The following ATP8B3 variants were observed in gnomAD, a reference collection of about 807,000 sequenced individuals.
ATP8B3 encodes the protein ATPase phospholipid transporting 8B3.
Under a neutral mutation model 140.9 loss-of-function variants are expected in ATP8B3, and 141 were observed. The observed-to-expected ratio is 1.00, with a 90% CI of 0.87 to 1.15. The LOEUF is 1.15. Ranked by LOEUF, ATP8B3 falls within the 50% of genes most tolerant of loss-of-function variation. The pLI, the probability that ATP8B3 is intolerant of heterozygous loss-of-function variation, is 0.00. For missense variants in ATP8B3, 1,874 were observed against 1,740.6 expected, an observed-to-expected ratio of 1.08 and a Z score of -1.36; for synonymous variants, 765 against 714.6, an observed-to-expected ratio of 1.07 and a Z score of -1.13.
Position 1,811,461 on chromosome 19 carries a change from TCCGGCCACCCGATGCAC to T in ATP8B3, c.248+11_248+27del. 1.9e-6 allele frequency: 3 copies of T among 1,600,944 alleles called. No homozygotes were observed. Among genetic ancestry groups the T allele is most frequent in the Non-Finnish European group, 2.6e-6 (3 of 1,173,982 alleles). On this transcript the variant is annotated intron_variant, in intron 2 of 28. Coordinates refer to ENST00000310127, the MANE Select transcript of ATP8B3 (RefSeq NM_138813.4). ...CCCCGCCAAGCCCCTGCCCCTGTGT[TCCGGCCACCCGATGCAC>T]CCGTCCTCACCCTTCTGGTCTCCAT...
chr19:1,806,250 CG>C lies in ATP8B3; in HGVS notation c.678-82del, dbSNP rs530899961. On this transcript the variant is annotated intron_variant, in intron 7 of 28. Coordinates refer to ENST00000310127, the MANE Select transcript of ATP8B3 (RefSeq NM_138813.4). This position sits in a 1 kb window ranked among gnomAD's most constrained non-coding sequence, Gnocchi z 5.6. ...CCGGGAGACCAGAGGCACGGGATGA[CG>C]GGGGGCCCGCAGCTGCAGTCCCCAC... 11 of 1,533,156 alleles carry C rather than the reference CG, an allele frequency of 7.2e-6. No homozygotes were observed. The Admixed American group carries it at 9.9e-5, about 14-fold the overall frequency. The allele number at this position is 1,533,156 out of a possible 1,614,324, so 95.0% of individuals were successfully genotyped here. A position where few individuals can be genotyped will look rare whatever the true frequency, so the allele number is the denominator to read the frequency against.
Position 1,783,131 on chromosome 19 carries a change from C to A in ATP8B3, c.3800G>T (p.Gly1267Val). 1.2e-6 allele frequency: 2 copies of A among 1,613,498 alleles called. No individual in the cohort carries two copies. The highest frequency in any genetic ancestry group is 8.5e-7 in the Non-Finnish European group (1 of 1,179,814). The change falls in exon 29 of 29, where the codon GGC becomes GTC. Residue 1267 changes from glycine to valine, a missense_variant. Physicochemically the swap from Gly to Val is moderately radical, Grantham distance 109. Transcript: ENST00000310127. ...REGYANLITQ[G>V]TILRRGPGVS... ...CCCTGGTCCCCTCCGCAGAATTGTGCCCTGAGTGATGAGGTTTGCATATCC... is the reference window on the plus strand; with the variant it reads ...CCCTGGTCCCCTCCGCAGAATTGTGACCTGAGTGATGAGGTTTGCATATCC...
At chr19:1,787,859 T>C (rs568935550) in intron 24 of ATP8B3, among the ~76,000 whole-genome samples, 2 of 149,846 alleles carry the variant, frequency 1.3e-5, no homozygotes, top group East Asian at 2.0e-4. Context: ...CTGGCCAACA[T>C]GGCAAAACCC....
In ATP8B3 at chr19:1,800,989, C is replaced by T. The variant is rs916124686; in HGVS notation, c.1153-540G>A. 1.9e-4 allele frequency among the ~76,000 whole-genome samples: 28 copies of T among 151,270 alleles called. No homozygotes were observed. The highest frequency in any genetic ancestry group is 3.9e-4 in the East Asian group (2 of 5,122). ...GACTACAGGCGCCCGCCACCACGCCCGGCTAATTTTTTGTATTTTTAGTAG... is the reference window on the plus strand; with the variant it reads ...GACTACAGGCGCCCGCCACCACGCCTGGCTAATTTTTTGTATTTTTAGTAG... On this transcript the variant is annotated intron_variant, in intron 12 of 28. Transcript: ENST00000310127. This position sits in a 1 kb window ranked among gnomAD's most constrained non-coding sequence, Gnocchi z 4.4.
intron 10 of ATP8B3, among the ~76,000 whole-genome samples, chr19:1,804,472 G>A (rs2068948742): frequency 6.6e-6 from 1 of 152,186 alleles, no homozygotes; most frequent in South Asian, 2.1e-4. Flanking sequence ...AGCCAGCCTG[G>A]TGGCGGGCGC....
At chr19:1,789,146 C>T (rs1258592712) in intron 23 of ATP8B3, 26 bp from the exon 24 acceptor site, 25 of 1,433,202 alleles carry the variant, frequency 1.7e-5, no homozygotes, top group Non-Finnish European at 2.1e-5. Flanking sequence ...AGCTGGTCAG[C>T]CCCCCGCACG....
Position 1,807,117 on chromosome 19 carries a change from C to G in ATP8B3, c.615+51G>C. 2 of 1,523,784 alleles carry G rather than the reference C, an allele frequency of 1.3e-6. No individual in the cohort carries two copies. The highest frequency in any genetic ancestry group is 1.8e-6 in the Non-Finnish European group (2 of 1,101,072). The allele number at this position is 1,523,784 out of a possible 1,614,324, so 94.4% of individuals were successfully genotyped here. On this transcript the variant is annotated intron_variant, in intron 6 of 28. Coordinates refer to ENST00000310127, the MANE Select transcript of ATP8B3 (RefSeq NM_138813.4). This position sits in a 1 kb window ranked among gnomAD's most constrained non-coding sequence, Gnocchi z 5.9. ...TCTCGCCCAGGGATCAAGAGACCCCCCCGACCGGCCCCGCTCCCTCCCCCA... is the reference window on the plus strand; with the variant it reads ...TCTCGCCCAGGGATCAAGAGACCCCGCCGACCGGCCCCGCTCCCTCCCCCA...
chr19:1,784,101 G>A (rs1319183597), intron 28 of ATP8B3, among the ~76,000 whole-genome samples: 3 of 152,098 alleles, frequency 2.0e-5, no homozygotes, highest in Admixed American at 2.0e-4. Flanking sequence ...GGAGCGTGCC[G>A]TGTTGACCCA....
In ATP8B3 at chr19:1,805,147, T is replaced by C. The variant is rs2068970838; in HGVS notation, c.904+227A>G. ...TGTGCCACCACGCCCAGCTACTTGTTTTATTTTTGTAGAGATGGGGTCTCG... is the reference window on the plus strand; with the variant it reads ...TGTGCCACCACGCCCAGCTACTTGTCTTATTTTTGTAGAGATGGGGTCTCG... On this transcript the variant is annotated intron_variant, in intron 10 of 28. Coordinates refer to ENST00000310127, the MANE Select transcript of ATP8B3 (RefSeq NM_138813.4). The surrounding 1 kb of genome is among the most constrained non-coding windows in gnomAD (Gnocchi z 5.2). 1 of 513,754 alleles carries C rather than the reference T, an allele frequency of 1.9e-6. No homozygotes were observed. Among genetic ancestry groups the C allele is most frequent in the Non-Finnish European group, 3.6e-6 (1 of 278,676 alleles). The allele number at this position is 513,754 out of a possible 1,614,324, so 31.8% of individuals were successfully genotyped here.
At position 1,785,700 on chromosome 19, in the gene ATP8B3, G is replaced by A. The variant is rs372576282; in HGVS notation, c.3162C>T (p.Ser1054=). ...CCGGCTTCTCCAGGCTCTGCTCTGC[G>A]CTCACGTCCTTGGGGCAAGCAGAAG... ...LYIGLFEQDV[S]AEQSLEKPEL... is the part of the protein sequence containing the mutation. Residue 1054 remains serine (S), a synonymous_variant, in exon 26 of 29, where the codon AGC becomes AGT. Transcript: ENST00000310127. 2.3e-5 allele frequency: 35 copies of A among 1,538,434 alleles called. 1 individual carries two copies. The highest frequency in any genetic ancestry group is 1.9e-4 in the African/African-American group (14 of 73,096).
At chr19:1,789,141 G>C (rs2068401525) in intron 23 of ATP8B3, 21 bp from the exon 24 acceptor site, 1 of 1,542,990 alleles carries the variant, frequency 6.5e-7, no homozygotes, top group Non-Finnish European at 8.7e-7. Flanking sequence ...CAAGCAGCTG[G>C]TCAGCCCCCC....
At chr19:1,797,045 C>A (rs1343978537) in intron 14 of ATP8B3, 40 bp from the exon 15 acceptor site, 1 of 1,612,438 alleles carries the variant, frequency 6.2e-7, no homozygotes, top group Non-Finnish European at 8.5e-7. Flanking sequence ...CTCCCACAGG[C>A]CCCCCATTCG....
chr19:1,795,841 A>T (rs765991024), intron 18 of ATP8B3, 34 bp downstream of exon 18: 1 of 1,299,572 alleles, frequency 7.7e-7, no homozygotes, highest in Non-Finnish European at 1.1e-6. Context: ...ACACACACAC[A>T]CACACATAAG....
At chr19:1,792,211 C>T (rs117609099) in intron 18 of ATP8B3, 76 bp from the exon 19 acceptor site, 67,939 of 1,448,706 alleles carry the variant, frequency 0.047, 1,823 homozygotes, top group East Asian at 0.1. Flanking sequence ...AACCCCCTGC[C>T]GGGCTCCGGA....
chr19:1,791,691 G>C, intron 20 of ATP8B3, 59 bp downstream of exon 20: 3 of 1,316,872 alleles, frequency 2.3e-6, no homozygotes, highest in Non-Finnish European at 3.2e-6. Context: ...TCAAACTTCA[G>C]GGAAGTTTGA....
chr19:1,793,861 G>T (rs1215893811), intron 18 of ATP8B3, among the ~76,000 whole-genome samples: 2 of 152,010 alleles, frequency 1.3e-5, no homozygotes, highest in African/African-American at 4.8e-5. Flanking sequence ...TCCTGCCTCA[G>T]CCTCCCGAGT....
At position 1,801,940 on chromosome 19, in the gene ATP8B3, C is replaced by T. The variant is rs1266062689; in HGVS notation, c.1152+16G>A. 1 of 1,603,794 alleles carries T rather than the reference C, an allele frequency of 6.2e-7. No homozygotes were observed. Among genetic ancestry groups the T allele is most frequent in the Non-Finnish European group, 8.5e-7 (1 of 1,171,922 alleles). ...CCTCTGTGTTCCTGGGGCAGGGGCA[C>T]TTGTTGGCAGCTCACCACAACCACC... is the stretch of plus-strand genomic sequence containing the variant. On this transcript the variant is annotated intron_variant, in intron 12 of 28. Coordinates refer to ENST00000310127, the MANE Select transcript of ATP8B3 (RefSeq NM_138813.4).
chr19:1,790,801 C>G lies in ATP8B3; in HGVS notation c.2334G>C (p.Glu778Asp), dbSNP rs1419217489. The G allele has an allele frequency of 6.2e-7, 1 of 1,606,048 alleles. No homozygotes were observed. Among genetic ancestry groups the G allele is most frequent in the Non-Finnish European group, 8.5e-7 (1 of 1,177,346 alleles). The change falls in exon 21 of 29, where the codon GAG (glutamate) becomes GAC (aspartate). Residue 778 changes from glutamate to aspartate, a missense_variant. By Grantham distance (45) the Glu-to-Asp change is conservative. This residue lies in a region of ATP8B3 where 840 missense variants were observed against 760.9 expected (regional missense o/e 1.10). Transcript: ENST00000310127. ...GAATGAGCATATTCTCTGACAGCAGCTCGCAGGCGAAGCCGATGTTCACAG... is the reference window on the plus strand; with the variant it reads ...GAATGAGCATATTCTCTGACAGCAGGTCGCAGGCGAAGCCGATGTTCACAG... Reference protein sequence around the residue: ...ETAVNIGFACELLSENMLILE... With the variant: ...ETAVNIGFACDLLSENMLILE...
rs749483088 is a variant in ATP8B3 at position 1,806,184 on chromosome 19, G to T, written c.678-15C>A. 31 of 1,576,314 alleles carry T rather than the reference G, an allele frequency of 2.0e-5. No individual in the cohort carries two copies. Among genetic ancestry groups the T allele is most frequent in the Non-Finnish European group, 2.4e-5 (28 of 1,161,946 alleles). On this transcript the variant is annotated splice_polypyrimidine_tract_variant and intron_variant, in intron 7 of 28. Transcript: ENST00000310127. This position sits in a 1 kb window ranked among gnomAD's most constrained non-coding sequence, Gnocchi z 5.6. Reference sequence around the variant, plus strand: ...TCTGCTTGAAGCTGCGGGGAGAGGGGGTTGTGAAGGAGGCCCCTCCCTCTG... The same window carrying T: ...TCTGCTTGAAGCTGCGGGGAGAGGGTGTTGTGAAGGAGGCCCCTCCCTCTG...
Sources: allele counts gnomAD v4.1 joint callset (sites outside exome capture counted in the v4.1 genomes callset), GRCh38; gene constraint gnomAD v4.1.1; regional missense constraint gnomAD v4.1.1; non-coding constraint Gnocchi (gnomAD v3.1); transcripts MANE v1.5; gene names NCBI Gene and HGNC (gene_info 2026-07-23, HGNC 2026-07-21).